Variants in SAMM50 observed in about 807,000 individuals in gnomAD.
The protein encoded by SAMM50 is sorting and assembly machinery component 50 homolog.
In SAMM50, 47 loss-of-function variants were observed where a neutral mutation model predicts 66.9. The ratio of observed to expected loss-of-function variants is 0.70; its 90% CI spans 0.56 to 0.90. The LOEUF is 0.90. Ranked by LOEUF, SAMM50 falls within the 40% of genes least tolerant of loss-of-function variation. SAMM50 has a pLI of 0.00. For synonymous variants in SAMM50, 191 were observed against 214.1 expected, an observed-to-expected ratio of 0.89 and a Z score of 0.94; for missense variants, 535 against 595.3, an observed-to-expected ratio of 0.90 and a Z score of 1.05.
rs764417280 is a variant in SAMM50 at position 43,972,993 on chromosome 22, C to T, written c.552C>T (p.Phe184=). ...LSFFKPRPGN[F]ERNFSVNLYK... is the part of the protein sequence containing the mutation. ...TCTTCAAACCACGGCCCGGAAACTT[C>T]GAAAGAAAGTAGGAAGCCCAACAGA... The change falls in exon 6 of 15, where the codon TTC becomes TTT. Residue 184 remains phenylalanine (F), a synonymous_variant. Coordinates refer to ENST00000350028, the MANE Select transcript of SAMM50 (RefSeq NM_015380.5). 44 of 1,588,180 alleles carry T rather than the reference C, an allele frequency of 2.8e-5. No individual in the cohort carries two copies. The highest frequency in any genetic ancestry group is 5.9e-5 in the Admixed American group (3 of 50,878).
At chr22:43,990,064 T>G (rs1569036178) in intron 13 of SAMM50, among the ~76,000 whole-genome samples, 1 of 152,228 alleles carries the variant, frequency 6.6e-6, no homozygotes, top group Non-Finnish European at 1.5e-5. Context: ...CGTGGCTCAT[T>G]CTGGATGTGA....
intron 1 of SAMM50, among the ~76,000 whole-genome samples, chr22:43,962,069 CGTAAGTTGAAAT>C (rs1183294036): frequency 6.6e-6 from 1 of 151,980 alleles, no homozygotes; most frequent in Non-Finnish European, 1.5e-5. Flanking sequence ...ATAAACTCAT[CGTAAGTTGAAAT>C]GTAAGTTGAA....
intron 1 of SAMM50, among the ~76,000 whole-genome samples, chr22:43,958,768 C>T (rs997016128): frequency 1.2e-4 from 19 of 152,086 alleles, no homozygotes; most frequent in African/African-American, 3.6e-4. Context: ...TGAGCCATTG[C>T]GCCTAGCCTG....
rs779688779 is a variant in SAMM50, at chr22:43,964,534, A to G, written c.215A>G (p.Lys72Arg). 6.2e-6 allele frequency: 10 copies of G among 1,601,898 alleles called. 1 individual carries two copies. The South Asian group carries it at 9.9e-5, about 16-fold the overall frequency. Residue 72 changes from lysine (K) to arginine (R), a missense_variant, in exon 3 of 15, where the codon AAG becomes AGG. Lys to Arg is a conservative substitution (Grantham distance 26, BLOSUM62 2). Coordinates refer to ENST00000350028, the MANE Select transcript of SAMM50 (RefSeq NM_015380.5). ...IIICEIGDVF[K>R]AKNLIEVMRK... ...ATTTGTGAAATTGGAGATGTTTTCA[A>G]GGCCAAAAACCTAATTGAGGTAGGT...
Position 43,981,474 on chromosome 22 carries a change from C to G in SAMM50, c.1007+13C>G, listed in dbSNP as rs1372472358. 6.4e-7 allele frequency: 1 copy of G among 1,555,006 alleles called. No individual in the cohort carries two copies. Among genetic ancestry groups the G allele is most frequent in the Non-Finnish European group, 8.9e-7 (1 of 1,126,346 alleles). ...GCATTGCTGATAGGTAAGTACTAAT[C>G]AATGAATGGATAATTTGCACATATT... On this transcript the variant is annotated intron_variant, in intron 11 of 14. Transcript: ENST00000350028.
chr22:43,975,880 T>C lies in SAMM50; in HGVS notation c.649-175T>C, dbSNP rs558379760. The C allele has an allele frequency of 1.3e-5, 8 of 634,866 alleles. No individual in the cohort carries two copies. In the East Asian group the frequency reaches 2.3e-4, roughly 18 times the overall value. The allele number at this position is 634,866 out of a possible 1,614,324, so 39.3% of individuals were successfully genotyped here. A position where few individuals can be genotyped will look rare whatever the true frequency, so the allele number is the denominator to read the frequency against. On this transcript the variant is annotated intron_variant, in intron 7 of 14. Transcript: ENST00000350028. ...TTCCCCCTTTCTTCCTTTGTCCTTCTTCCCTCTGGTTTTCTCTTCCCCTTC... is the reference window on the plus strand; with the variant it reads ...TTCCCCCTTTCTTCCTTTGTCCTTCCTCCCTCTGGTTTTCTCTTCCCCTTC...
Position 43,990,357 on chromosome 22 carries a change from C to G in SAMM50, c.1315C>G (p.Arg439Gly), listed in dbSNP as rs770786826. 1.9e-6 allele frequency: 3 copies of G among 1,614,114 alleles called. No individual in the cohort carries two copies. The highest frequency in any genetic ancestry group is 1.7e-5 in the Admixed American group (1 of 60,012). The change falls in exon 14 of 15, where the codon CGG becomes GGG. Residue 439 changes from arginine to glycine, a missense_variant. By Grantham distance (125) the Arg-to-Gly change is moderately radical. Coordinates refer to ENST00000350028, the MANE Select transcript of SAMM50 (RefSeq NM_015380.5). ...TGTCCTCAGGCTTGGCAACATCGCTCGGTTGGAACTTAATTACTGCGTCCC... is the reference window on the plus strand; with the variant it reads ...TGTCCTCAGGCTTGGCAACATCGCTGGGTTGGAACTTAATTACTGCGTCCC... ...GIVLRLGNIA[R>G]LELNYCVPMG...
chr22:43,956,625 A>G (rs2146802405), intron 1 of SAMM50, among the ~76,000 whole-genome samples: 1 of 152,342 alleles, frequency 6.6e-6, no homozygotes, highest in South Asian at 2.1e-4. Flanking sequence ...ATGGGAAAAG[A>G]GAGGAAACCT....
At chr22:43,964,583 C>T (rs774576838) in intron 3 of SAMM50, 30 bp downstream of exon 3, 2 of 1,205,580 alleles carry the variant, frequency 1.7e-6, no homozygotes, top group African/African-American at 1.5e-5. Flanking sequence ...GGTGTGCTTT[C>T]CCAGTCTCTT....
chr22:43,978,041 C>T, intron 10 of SAMM50, 83 bp downstream of exon 10: 1 of 912,476 alleles, frequency 1.1e-6, no homozygotes, highest in Non-Finnish European at 1.7e-6. Context: ...TCCTGAATAT[C>T]TAAAGCACAG....
chr22:43,956,411 C>T (rs112471639), intron 1 of SAMM50, among the ~76,000 whole-genome samples: 97 of 152,322 alleles, frequency 6.4e-4, no homozygotes, highest in Non-Finnish European at 7.2e-4. Context: ...AAAAATTTAG[C>T]ACAGAAGTCG....
chr22:43,989,322 C>T (rs2050310611), intron 13 of SAMM50, 65 bp downstream of exon 13: 19 of 1,313,492 alleles, frequency 1.4e-5, no homozygotes, highest in Non-Finnish European at 2.0e-5. Context: ...AAGCACAGTA[C>T]ACAAAGAGGT....
At chr22:43,991,925 A>C (rs2050326838) in intron 14 of SAMM50, among the ~76,000 whole-genome samples, 1 of 152,214 alleles carries the variant, frequency 6.6e-6, no homozygotes, top group Non-Finnish European at 1.5e-5. Flanking sequence ...GCCTGCCTCC[A>C]GGTATCAACA....
intron 14 of SAMM50, among the ~76,000 whole-genome samples, chr22:43,992,683 T>TG (rs2050331481): frequency 6.6e-6 from 1 of 152,238 alleles, no homozygotes; most frequent in African/African-American, 2.4e-5. Flanking sequence ...TGGTGACTGT[T>TG]GCAGTTTGGA....
rs781129512 is a variant in SAMM50, at chr22:43,981,455, C to T, written c.1001C>T (p.Ala334Val). ...ATTGGTGATAAGCCGTCAAGCATTG[C>T]TGATAGGTAAGTACTAATCAATGAA... The part of the protein sequence containing the change: ...VPIGDKPSSI[A>V]DRFYLGGPTS... Residue 334 changes from alanine to valine, a missense_variant, in exon 11 of 15, where the codon GCT becomes GTT. Ala to Val is a moderately conservative substitution (Grantham distance 64, BLOSUM62 0). Coordinates refer to ENST00000350028, the MANE Select transcript of SAMM50 (RefSeq NM_015380.5). 1 of 1,609,020 alleles carries T rather than the reference C, an allele frequency of 6.2e-7. No individual in the cohort carries two copies. Among genetic ancestry groups the T allele is most frequent in the South Asian group, 1.1e-5 (1 of 90,994 alleles).
At chr22:43,958,929 ATT>A (rs2050134036) in intron 1 of SAMM50, among the ~76,000 whole-genome samples, 1 of 151,942 alleles carries the variant, frequency 6.6e-6, no homozygotes, top group Admixed American at 6.6e-5. Flanking sequence ...AACATTTGCC[ATT>A]TACCACCTAG....
In SAMM50 at chr22:43,963,382, C is replaced by A. The variant is rs757253689; in HGVS notation, c.118C>A (p.Leu40Ile). The A allele has an allele frequency of 6.2e-7, 1 of 1,607,970 alleles. No homozygotes were observed. Among genetic ancestry groups the A allele is most frequent in the East Asian group, 2.2e-5 (1 of 44,706 alleles). Reference protein sequence around the residue: ...EVEPEAKQEILENKDVVVQHV... With the variant: ...EVEPEAKQEIIENKDVVVQHV... ...TGAGCCTGAAGCTAAACAGGAAATT[C>A]TTGAAAACAAAGATGTGAGTTTTCT... The change falls in exon 2 of 15, where the codon CTT becomes ATT. Residue 40 changes from leucine to isoleucine, a missense_variant. Transcript: ENST00000350028.
intron 13 of SAMM50, among the ~76,000 whole-genome samples, chr22:43,989,585 C>T (rs1355061989): frequency 6.6e-6 from 1 of 152,164 alleles, no homozygotes; most frequent in South Asian, 2.1e-4. Flanking sequence ...ATCCACACCC[C>T]CCTTGGATTC....
intron 10 of SAMM50, among the ~76,000 whole-genome samples, chr22:43,979,058 C>T (rs1453562261): frequency 6.6e-6 from 1 of 152,200 alleles, no homozygotes. Flanking sequence ...TTGTCGCCTG[C>T]TCGCCTGTTC....
Sources: gnomAD v4.1 joint callset for allele counts (sites outside exome capture counted in the v4.1 genomes callset) on GRCh38, gnomAD v4.1.1 for gene constraint, MANE v1.5 for transcripts, NCBI Gene and HGNC (gene_info 2026-07-23, HGNC 2026-07-21) for gene names.